The following NOMO2 variants were observed in gnomAD, a reference collection of about 807,000 sequenced individuals.
NOMO2 encodes the protein BOS complex subunit NOMO2.
NOMO2 carries 14 observed loss-of-function variants against 67.1 expected under a neutral mutation model. That is an observed-to-expected ratio of 0.21 (90% CI 0.14 to 0.33). The LOEUF is 0.33. Among genes scored for constraint, NOMO2 ranks in the 10% least tolerant of loss-of-function variants. The pLI is 1.00. For synonymous variants in NOMO2, 80 were observed against 305.9 expected, an observed-to-expected ratio of 0.26 and a Z score of 7.71; for missense variants, 178 against 761.0, an observed-to-expected ratio of 0.23 and a Z score of 9.01.
At chr16:18,544,476 A>G (rs1171084612) in intron 6 of NOMO2, among the ~76,000 whole-genome samples, 1 of 152,162 alleles carries the variant, frequency 6.6e-6, no homozygotes, top group Non-Finnish European at 1.5e-5. Context: ...ACGTGTTGCC[A>G]AGTCTCACCC....
chr16:18,557,937 G>A (rs1332403540), intron 1 of NOMO2, 146 bp from the exon 2 acceptor site: 19 of 1,360,450 alleles, frequency 1.4e-5, no homozygotes, highest in Non-Finnish European at 1.8e-5. Context: ...ACTGGGGACA[G>A]AGGGAAATCA....
chr16:18,526,419 T>C (rs1471342093), intron 16 of NOMO2, among the ~76,000 whole-genome samples: 1 of 151,998 alleles, frequency 6.6e-6, no homozygotes, highest in East Asian at 1.9e-4. Context: ...TTCCTAGGTA[T>C]CGAAACAAGA....
chr16:18,547,502 C>G (rs915374444), intron 5 of NOMO2, among the ~76,000 whole-genome samples: 2 of 151,948 alleles, frequency 1.3e-5, no homozygotes, highest in Non-Finnish European at 2.9e-5. Context: ...TACTGTGTGT[C>G]AAGAGGGGTG....
At chr16:18,549,182 T>C (rs1360344082) in intron 5 of NOMO2, among the ~76,000 whole-genome samples, 1 of 151,916 alleles carries the variant, frequency 6.6e-6, no homozygotes, top group Non-Finnish European at 1.5e-5. Context: ...GGAGATTGAG[T>C]CTCCCTATGT....
At chr16:18,529,026 T>TCAG (rs1901227954) in intron 15 of NOMO2, among the ~76,000 whole-genome samples, 1 of 36,588 alleles carries the variant, frequency 2.7e-5, no homozygotes, top group Non-Finnish European at 5.5e-5. Flanking sequence ...TATATATATA[T>TCAG]ATATATATAT....
chr16:18,536,894 G>A (rs1419461812), intron 11 of NOMO2, among the ~76,000 whole-genome samples: 4 of 151,978 alleles, frequency 2.6e-5, no homozygotes, highest in Non-Finnish European at 4.4e-5. Context: ...TCTGTCTACA[G>A]AAGAGTCACT....
At chr16:18,548,658 T>C (rs571244157) in intron 5 of NOMO2, among the ~76,000 whole-genome samples, 4,884 of 151,722 alleles carry the variant, frequency 0.032, 2 homozygotes, top group African/African-American at 0.047. Context: ...ATGATAATGA[T>C]TTTTTCTAAT....
rs200032454 is a variant in NOMO2, at chr16:18,531,536, G to A, written c.1467C>T (p.Thr489=). The change falls in exon 13 of 31, where the codon ACC becomes ACT. Residue 489 remains threonine, a synonymous_variant. Coordinates refer to ENST00000622306, the MANE Select transcript of NOMO2 (RefSeq NM_173614.4). The part of the protein sequence containing the change: ...LKPQTFPLTV[T]DRPVMDVAFV... ...AGGCCACATCCATCACGGGCCTGTC[G>A]GTCACAGTAAGAGGAAATGTCTGGG... 6.3e-5 allele frequency: 101 copies of A among 1,605,100 alleles called. 1 individual carries two copies. The African/African-American group carries it at 8.7e-4, about 14-fold the overall frequency.
At chr16:18,561,193 A>ACAAAC in intron 1 of NOMO2, among the ~76,000 whole-genome samples, 1 of 143,954 alleles carries the variant, frequency 6.9e-6, no homozygotes, top group East Asian at 2.1e-4. Flanking sequence ...AAAAAAAAAA[A>ACAAAC]AAAAAAAAAA....
In NOMO2 at chr16:18,555,759, C is replaced by T. The variant is rs1476043604; in HGVS notation, c.256-907G>A. Among the ~76,000 whole-genome samples the T allele has an allele frequency of 1.4e-4, 10 of 71,540 alleles. No individual in the cohort carries two copies. In the East Asian group the frequency reaches 1.5e-3, roughly 11 times the overall value. 46.9% of individuals were successfully genotyped at this position (71,540 alleles called of 152,430 possible). A position where few individuals can be genotyped will look rare whatever the true frequency, so the allele number is the denominator to read the frequency against. On this transcript the variant is annotated intron_variant, in intron 2 of 30. Transcript: ENST00000622306. The stretch of plus-strand genomic sequence containing the variant: ...AAGTAGCTGGGACTACAGGCATCCA[C>T]GTGACACCCGGCTAATTTTTTTGTA...
chr16:18,561,196 A>AAAAAAAAAAAAC (rs1567249263), intron 1 of NOMO2, among the ~76,000 whole-genome samples: 4 of 46,252 alleles, frequency 8.6e-5, no homozygotes, highest in Admixed American at 2.6e-4. Flanking sequence ...AAAAAAAAAA[A>AAAAAAAAAAAAC]AAAAAAAAAA....
intron 5 of NOMO2, among the ~76,000 whole-genome samples, chr16:18,548,098 A>C (rs1901693736): frequency 7.8e-6 from 1 of 128,798 alleles, no homozygotes; most frequent in Non-Finnish European, 1.8e-5. Flanking sequence ...TCTTGCCTGC[A>C]ATAACTGGAT....
intron 11 of NOMO2, 40 bp from the exon 12 acceptor site, chr16:18,533,219 A>G (rs1901345292): frequency 6.3e-7 from 1 of 1,595,620 alleles, no homozygotes. Flanking sequence ...CGAGGACTCA[A>G]TTATAACAGG....
In NOMO2 at chr16:18,538,556, G is replaced by A. The variant is rs753695905; in HGVS notation, c.1190C>T (p.Thr397Ile). ...ETVTIKIAPN[T>I]PQLADIVATG... is the part of the protein sequence containing the mutation. ...TGCAACAATGTCAGCCAGCTGAGGT[G>A]TGTTCGGTGCAATTTTGATGGTGAC... The change falls in exon 11 of 31, where the codon ACA becomes ATA. Residue 397 changes from threonine to isoleucine, a missense_variant. Thr to Ile is a moderately conservative substitution (Grantham distance 89, BLOSUM62 -1). Coordinates refer to ENST00000622306, the MANE Select transcript of NOMO2 (RefSeq NM_173614.4). The A allele has an allele frequency of 5.6e-6, 9 of 1,613,586 alleles. 1 individual carries two copies. Among genetic ancestry groups the A allele is most frequent in the Non-Finnish European group, 7.6e-6 (9 of 1,179,750 alleles).
intron 6 of NOMO2, among the ~76,000 whole-genome samples, chr16:18,544,617 T>A (rs1901624190): frequency 6.6e-6 from 1 of 151,992 alleles, no homozygotes; most frequent in African/African-American, 2.4e-5. Context: ...TCCGTCACTT[T>A]CTTTTTCTGT....
At chr16:18,550,731 G>A (rs1901765668) in intron 4 of NOMO2, among the ~76,000 whole-genome samples, 1 of 152,128 alleles carries the variant, frequency 6.6e-6, no homozygotes, top group African/African-American at 2.4e-5. Flanking sequence ...TCCTAGGTAA[G>A]TGTCGGAAGC....
chr16:18,559,431 C>T (rs537121746), intron 1 of NOMO2, among the ~76,000 whole-genome samples: 26 of 151,706 alleles, frequency 1.7e-4, no homozygotes, highest in African/African-American at 3.2e-4. Flanking sequence ...TGACACGAGC[C>T]GCAATGAAAC....
In NOMO2 at chr16:18,533,183, CAA is replaced by C. The variant is rs1382337769; in HGVS notation, c.1221-6_1221-5del. 6.2e-7 allele frequency: 1 copy of C among 1,611,138 alleles called. No individual in the cohort carries two copies. The highest frequency in any genetic ancestry group is 1.3e-5 in the African/African-American group (1 of 74,718). The stretch of plus-strand genomic sequence containing the variant: ...TATCCGACCACAGACACTGAACCTG[CAA>C]AGAGAAGACCATTCATTCCAGCACG... On this transcript the variant is annotated splice_region_variant and splice_polypyrimidine_tract_variant and intron_variant, in intron 11 of 30. Coordinates refer to ENST00000622306, the MANE Select transcript of NOMO2 (RefSeq NM_173614.4).
intron 1 of NOMO2, among the ~76,000 whole-genome samples, chr16:18,560,492 G>A (rs1354145602): frequency 1.3e-5 from 2 of 151,526 alleles, no homozygotes; most frequent in Non-Finnish European, 2.9e-5. Flanking sequence ...CCCTGAACGT[G>A]TCCTGTCCCC....
Sources: gnomAD v4.1 joint callset for allele counts (sites outside exome capture counted in the v4.1 genomes callset) on GRCh38, gnomAD v4.1.1 for gene constraint, MANE v1.5 for transcripts, NCBI Gene and HGNC (gene_info 2026-07-23, HGNC 2026-07-21) for gene names.